Variants in DSCAM observed in about 807,000 individuals in gnomAD.
DSCAM encodes the protein DS cell adhesion molecule.
A neutral mutation model predicts 217.7 loss-of-function variants in DSCAM; 47 were observed. The observed-to-expected ratio is 0.22, with a 90% CI of 0.17 to 0.28. The LOEUF is 0.28. Among genes scored for constraint, DSCAM ranks in the 10% least tolerant of loss-of-function variants. The pLI, the probability that DSCAM is intolerant of heterozygous loss-of-function variation, is 1.00. For synonymous variants in DSCAM, 1,056 were observed against 1,015.3 expected (o/e 1.04, Z -0.76); for missense variants, 2,080 against 2,618.3 (o/e 0.79, Z 4.49).
intron 3 of DSCAM, among the ~76,000 whole-genome samples, chr21:40,522,566 A>G (rs950843837): frequency 9.2e-5 from 14 of 152,166 alleles, no homozygotes; most frequent in Non-Finnish European, 2.9e-5. Context: ...TCAAAAGTGG[A>G]GAGTTCTACT....
chr21:40,503,917 GT>G (rs1185009705), intron 3 of DSCAM, among the ~76,000 whole-genome samples: 1 of 152,166 alleles, frequency 6.6e-6, no homozygotes, highest in African/African-American at 2.4e-5. Context: ...ATGGTCATGG[GT>G]TATCATTGTA....
At position 40,729,238 on chromosome 21, in the gene DSCAM, T is replaced by C. The variant is rs545245447; in HGVS notation, c.44-20467A>G. Among the ~76,000 whole-genome samples the C allele has an allele frequency of 1.6e-4, 25 of 152,354 alleles. 1 individual carries two copies. The South Asian group carries it at 5.2e-3, about 32-fold the overall frequency. ...CAGAGATGAGAAACCATATAAACTT[T>C]GAACTCTGTCGTGAGGAACAGAGCT... On this transcript the variant is annotated intron_variant, in intron 1 of 32. Transcript: ENST00000400454.
chr21:40,577,791 C>T (rs568452453), intron 3 of DSCAM, among the ~76,000 whole-genome samples: 1 of 152,168 alleles, frequency 6.6e-6, no homozygotes, highest in South Asian at 2.1e-4. Flanking sequence ...GTTCCAGGTG[C>T]AAGGGCTTTA....
intron 1 of DSCAM, among the ~76,000 whole-genome samples, chr21:40,837,752 C>T (rs547278056): frequency 4.6e-5 from 7 of 152,290 alleles, no homozygotes; most frequent in Admixed American, 2.6e-4. Flanking sequence ...GAACTAGATC[C>T]GGCAGGAGTG....
rs190702680 is a variant in DSCAM, at chr21:40,508,521, A to T, written c.509-139276T>A. ...GTTAACTAAACAGTTTGGCATTTAA[A>T]TATGGAGACAAACAACATTTTAAAA... On this transcript the variant is annotated intron_variant, in intron 3 of 32. Transcript: ENST00000400454. Among the ~76,000 whole-genome samples the T allele has an allele frequency of 1.5e-3, 225 of 152,052 alleles. 2 individuals carry two copies. Among genetic ancestry groups the T allele is most frequent in the Admixed American group, 5.4e-3 (82 of 15,248 alleles).
intron 4 of DSCAM, among the ~76,000 whole-genome samples, chr21:40,354,596 T>G (rs1406214641): frequency 6.6e-6 from 1 of 151,934 alleles, no homozygotes; most frequent in Non-Finnish European, 1.5e-5. Context: ...AGGCCTGTAA[T>G]CCCAGCACTT....
chr21:40,805,962 C>T (rs2091783221), intron 1 of DSCAM, among the ~76,000 whole-genome samples: 1 of 152,106 alleles, frequency 6.6e-6, no homozygotes, highest in African/African-American at 2.4e-5. Flanking sequence ...CCCGCCTCGG[C>T]CTCCCAAAGT....
chr21:40,499,007 T>C (rs1568855558), intron 3 of DSCAM, among the ~76,000 whole-genome samples: 2 of 151,778 alleles, frequency 1.3e-5, no homozygotes, highest in Non-Finnish European at 2.9e-5. Flanking sequence ...TTCTTTATCA[T>C]GTAAGAGAGC....
chr21:40,072,931 C>CA (rs1231425557), intron 27 of DSCAM, among the ~76,000 whole-genome samples: 2 of 152,164 alleles, frequency 1.3e-5, no homozygotes, highest in Non-Finnish European at 1.5e-5. Context: ...AAACCAACTG[C>CA]AAAACACTAG....
intron 1 of DSCAM, among the ~76,000 whole-genome samples, chr21:40,719,124 A>T (rs531131430): frequency 1.3e-5 from 2 of 150,624 alleles, no homozygotes; most frequent in Non-Finnish European, 2.9e-5. Flanking sequence ...TCCAAAGAAG[A>T]AAAACACACA....
rs1310966775 is a variant in DSCAM at position 40,277,540 on chromosome 21, CT to C, written c.2183-1271del. Among the ~76,000 whole-genome samples, 4 of 152,130 alleles carry C rather than the reference CT, an allele frequency of 2.6e-5. No homozygotes were observed. In the South Asian group the frequency reaches 6.2e-4, roughly 24 times the overall value. On this transcript the variant is annotated intron_variant, in intron 10 of 32. Transcript: ENST00000400454. ...AAATTGATAAGGTACCTAAGGGGAC[CT>C]TTCACATTGAATGAGGAGATCAAGT...
chr21:40,677,150 T>C (rs988675353), intron 3 of DSCAM, among the ~76,000 whole-genome samples: 1 of 152,086 alleles, frequency 6.6e-6, no homozygotes, highest in Non-Finnish European at 1.5e-5. Context: ...AACCCTTTAC[T>C]TTTCCTGGTA....
chr21:40,699,867 T>C (rs1446973930), intron 2 of DSCAM, among the ~76,000 whole-genome samples: 1 of 152,206 alleles, frequency 6.6e-6, no homozygotes, highest in Admixed American at 6.5e-5. Flanking sequence ...GCAGGTTATC[T>C]AGAAGCTCCA....
chr21:40,712,686 G>A (rs1275238136), intron 1 of DSCAM, among the ~76,000 whole-genome samples: 6 of 151,986 alleles, frequency 3.9e-5, no homozygotes, highest in Non-Finnish European at 8.8e-5. Context: ...TCAAACTTCT[G>A]TTGATAATAT....
At chr21:40,462,287 A>T (rs2075812163) in intron 3 of DSCAM, among the ~76,000 whole-genome samples, 1 of 152,206 alleles carries the variant, frequency 6.6e-6, no homozygotes, top group Non-Finnish European at 1.5e-5. Context: ...CAAGACCAGT[A>T]GCAGAAGTGT....
In DSCAM at chr21:40,431,265, C is replaced by T. The variant is rs551588010; in HGVS notation, c.509-62020G>A. The stretch of plus-strand genomic sequence containing the variant: ...TCACTGATACACAAATTTTCTTCTG[C>T]CTCTGCCCCTCCTGAGATGAATCCT... On this transcript the variant is annotated intron_variant, in intron 3 of 32. Coordinates refer to ENST00000400454, the MANE Select transcript of DSCAM (RefSeq NM_001389.5). Among the ~76,000 whole-genome samples, 161 of 152,334 alleles carry T rather than the reference C, an allele frequency of 1.1e-3. 1 individual carries two copies. The highest frequency in any genetic ancestry group is 3.8e-3 in the African/African-American group (158 of 41,564).
At chr21:40,565,415 G>C (rs955562298) in intron 3 of DSCAM, among the ~76,000 whole-genome samples, 6 of 152,194 alleles carry the variant, frequency 3.9e-5, no homozygotes, top group African/African-American at 1.4e-4. Flanking sequence ...GCTTCTGACT[G>C]ATGCTAATCT....
chr21:40,668,529 T>A (rs1361823669), intron 3 of DSCAM, among the ~76,000 whole-genome samples: 3 of 152,182 alleles, frequency 2.0e-5, no homozygotes, highest in Non-Finnish European at 4.4e-5. Flanking sequence ...GCCTTGTCAC[T>A]GACAATACCA....
intron 14 of DSCAM, among the ~76,000 whole-genome samples, chr21:40,186,422 C>T (rs1416080830): frequency 6.6e-6 from 1 of 152,140 alleles, no homozygotes; most frequent in Non-Finnish European, 1.5e-5. Context: ...TTATGAGACA[C>T]AGTAAAAATT....
Sources: gnomAD v4.1 joint callset for allele counts (sites outside exome capture counted in the v4.1 genomes callset) on GRCh38, gnomAD v4.1.1 for gene constraint, MANE v1.5 for transcripts, NCBI Gene and HGNC (gene_info 2026-07-23, HGNC 2026-07-21) for gene names.